Variants in LRRFIP1 observed in about 807,000 individuals in gnomAD.
LRRFIP1 encodes the protein leucine-rich repeat flightless-interacting protein 1.
LRRFIP1 carries 62 observed loss-of-function variants against 104.4 expected under a neutral mutation model. The observed-to-expected ratio is 0.59, with a 90% CI of 0.48 to 0.73. LRRFIP1 has a LOEUF of 0.73. LRRFIP1 is among the 30% of genes least tolerant of loss of function. The pLI, the probability that LRRFIP1 is intolerant of heterozygous loss-of-function variation, is 0.00. For missense variants in LRRFIP1, 796 were observed against 824.5 expected, an observed-to-expected ratio of 0.97 and a Z score of 0.42; for synonymous variants, 300 against 299.0, an observed-to-expected ratio of 1.00 and a Z score of -0.03.
intron 1 of LRRFIP1, among the ~76,000 whole-genome samples, chr2:237,638,376 G>T (rs1405768089): frequency 1.3e-5 from 2 of 152,192 alleles, no homozygotes; most frequent in Admixed American, 1.3e-4. Context: ...AAGTGGGAAT[G>T]CGAGTGATAG....
chr2:237,692,257 G>A, intron 1 of LRRFIP1: 1 of 1,146,442 alleles, frequency 8.7e-7, no homozygotes, highest in Non-Finnish European at 1.1e-6. Flanking sequence ...CCCCGCCCCT[G>A]TCGGCCGCGC....
At chr2:237,643,713 T>C (rs981675165) in intron 1 of LRRFIP1, among the ~76,000 whole-genome samples, 7 of 149,378 alleles carry the variant, frequency 4.7e-5, no homozygotes, top group African/African-American at 1.8e-4. Flanking sequence ...GAAAAGTGAG[T>C]GAGTGAATGA....
At chr2:237,719,376 C>T (rs907395438) in intron 4 of LRRFIP1, 147 bp from the exon 5 acceptor site, 2 of 586,330 alleles carry the variant, frequency 3.4e-6, no homozygotes, top group South Asian at 4.4e-5. Flanking sequence ...TAATTAAAGC[C>T]TTTAAATGAA....
chr2:237,646,439 G>C (rs2084926529), intron 1 of LRRFIP1, among the ~76,000 whole-genome samples: 1 of 151,414 alleles, frequency 6.6e-6, no homozygotes, highest in African/African-American at 2.4e-5. Flanking sequence ...GCCCCACTGT[G>C]TGTGAGAACA....
chr2:237,666,623 G>C (rs7568955), intron 1 of LRRFIP1, among the ~76,000 whole-genome samples: 4,192 of 148,942 alleles, frequency 0.028, 179 homozygotes, highest in African/African-American at 0.092. Flanking sequence ...CGGTGGTGAC[G>C]GGTTGCAGGC....
At chr2:237,727,545 A>G (rs1407751534) in intron 7 of LRRFIP1, among the ~76,000 whole-genome samples, 2 of 152,170 alleles carry the variant, frequency 1.3e-5, no homozygotes, top group Non-Finnish European at 2.9e-5. Flanking sequence ...CCATAAAACC[A>G]GAAACAGCCT....
Position 237,703,883 on chromosome 2 carries a change from A to G in LRRFIP1, c.97-4661A>G, listed in dbSNP as rs531824298. ...GTCAGCCCACAGGCTACTCACAGAAAGTGACAGGCCGTGTTCAGAAGCTCT... is the reference window on the plus strand; with the variant it reads ...GTCAGCCCACAGGCTACTCACAGAAGGTGACAGGCCGTGTTCAGAAGCTCT... On this transcript the variant is annotated intron_variant, in intron 1 of 23. Coordinates refer to ENST00000308482, the MANE Select transcript of LRRFIP1 (RefSeq NM_001137550.2). This position sits in a 1 kb window ranked among gnomAD's most constrained non-coding sequence, Gnocchi z 4.3. Among the ~76,000 whole-genome samples, 1 of 152,180 alleles carries G rather than the reference A, an allele frequency of 6.6e-6. No homozygotes were observed. The highest frequency in any genetic ancestry group is 1.9e-4 in the East Asian group (1 of 5,158).
At chr2:237,693,658 A>T (rs573656650) in intron 1 of LRRFIP1, among the ~76,000 whole-genome samples, 1 of 152,234 alleles carries the variant, frequency 6.6e-6, no homozygotes, top group South Asian at 2.1e-4. Context: ...AAGGGTGGGA[A>T]TGTGGTTGAG....
rs1194264972 is a variant in LRRFIP1 at position 237,769,965 on chromosome 2, T to G, written c.1482T>G (p.Val494=). 6.2e-7 allele frequency: 1 copy of G among 1,605,334 alleles called. No homozygotes were observed. Among genetic ancestry groups the G allele is most frequent in the Non-Finnish European group, 8.5e-7 (1 of 1,175,414 alleles). ...GTLDIRLKKL[V]DERECLLEQI... is the part of the protein sequence containing the mutation. ...TAGATATTAGGTTGAAAAAGCTGGT[T>G]GATGAACGGGAATGCTTATTGGAAC... The change falls in exon 20 of 24, where the codon GTT becomes GTG. Residue 494 remains valine (V), a synonymous_variant. Transcript: ENST00000308482.
At chr2:237,778,825 G>A (rs1353801019) in intron 23 of LRRFIP1, among the ~76,000 whole-genome samples, 1 of 152,106 alleles carries the variant, frequency 6.6e-6, no homozygotes, top group Non-Finnish European at 1.5e-5. Flanking sequence ...GCTGAGACAA[G>A]AGAATTGTTT....
At chr2:237,675,133 C>T (rs546354254) in intron 1 of LRRFIP1, among the ~76,000 whole-genome samples, 1 of 152,216 alleles carries the variant, frequency 6.6e-6, no homozygotes, top group Non-Finnish European at 1.5e-5. Context: ...CCCTCCTGAG[C>T]CCCCGCTCTG....
chr2:237,676,279 T>C (rs963077385), intron 1 of LRRFIP1, among the ~76,000 whole-genome samples: 20 of 152,156 alleles, frequency 1.3e-4, no homozygotes, highest in Admixed American at 1.2e-3. Context: ...ATAGTTTAAA[T>C]GTACATACTT....
chr2:237,672,806 A>C (rs77460548), intron 1 of LRRFIP1, among the ~76,000 whole-genome samples: 1 of 152,208 alleles, frequency 6.6e-6, no homozygotes, highest in African/African-American at 2.4e-5. Context: ...TGGATGATAT[A>C]TCCTTTTAAC....
intron 17 of LRRFIP1, among the ~76,000 whole-genome samples, chr2:237,758,187 A>G (rs1281531845): frequency 5.3e-5 from 8 of 151,052 alleles, no homozygotes; most frequent in Non-Finnish European, 1.2e-4. Flanking sequence ...CTCAAGCCAC[A>G]CTGTGTTTCC....
At chr2:237,659,749 A>G (rs571837870) in intron 1 of LRRFIP1, among the ~76,000 whole-genome samples, 1 of 152,052 alleles carries the variant, frequency 6.6e-6, no homozygotes, top group Non-Finnish European at 1.5e-5. Flanking sequence ...CAAGGGGTCC[A>G]GCCACCTCAG....
intron 7 of LRRFIP1, among the ~76,000 whole-genome samples, chr2:237,727,084 G>A (rs1009596057): frequency 1.3e-5 from 2 of 152,172 alleles, no homozygotes; most frequent in South Asian, 2.1e-4. Flanking sequence ...GAGGCCGGGC[G>A]CGATGGCTCA....
At position 237,714,291 on chromosome 2, in the gene LRRFIP1, C is replaced by A; in HGVS notation, c.201+15C>A. ...AGGTCCAAAAGGTAGGCTCTTCTTT[C>A]TTTATTTTCTAACTTGCATGTACTG... On this transcript the variant is annotated intron_variant, in intron 3 of 23. Transcript: ENST00000308482. 6.3e-7 allele frequency: 1 copy of A among 1,594,954 alleles called. No individual in the cohort carries two copies. The highest frequency in any genetic ancestry group is 8.6e-7 in the Non-Finnish European group (1 of 1,166,070).
chr2:237,650,029 C>A (rs577283865), intron 1 of LRRFIP1, among the ~76,000 whole-genome samples: 5 of 152,010 alleles, frequency 3.3e-5, no homozygotes, highest in Admixed American at 3.3e-4. Context: ...GTGCACAAAC[C>A]GAAGTCCCCA....
chr2:237,750,448 A>AGCCTCAG (rs1435346830), intron 13 of LRRFIP1, among the ~76,000 whole-genome samples: 1 of 145,070 alleles, frequency 6.9e-6, no homozygotes, highest in Non-Finnish European at 1.5e-5. Flanking sequence ...GTGATTCTCC[A>AGCCTCAG]GCCTCAGCCT....
Sources: gnomAD v4.1 joint callset for allele counts (sites outside exome capture counted in the v4.1 genomes callset) on GRCh38, gnomAD v4.1.1 for gene constraint, Gnocchi (gnomAD v3.1) non-coding constraint, MANE v1.5 for transcripts, NCBI Gene and HGNC (gene_info 2026-07-23, HGNC 2026-07-21) for gene names.